Variants in CEP164 observed in about 807,000 individuals in gnomAD.
CEP164 encodes centrosomal protein of 164 kDa.
CEP164 carries 162 observed loss-of-function variants against 182.7 expected under a neutral mutation model. The ratio of observed to expected loss-of-function variants is 0.89; its 90% CI spans 0.78 to 1.01. CEP164 has a LOEUF of 1.01. CEP164 is among the 50% of genes least tolerant of loss of function. CEP164 has a pLI of 0.00. For synonymous variants in CEP164, 661 were observed against 690.0 expected (o/e 0.96, Z 0.66); for missense variants, 1,735 against 1,790.4 (o/e 0.97, Z 0.56).
Position 117,371,181 on chromosome 11 carries a change from A to C in CEP164, c.867A>C (p.Ala289=). 1 of 1,614,228 alleles carries C rather than the reference A, an allele frequency of 6.2e-7. No individual in the cohort carries two copies. Among genetic ancestry groups the C allele is most frequent in the Non-Finnish European group, 8.5e-7 (1 of 1,180,040 alleles). The change falls in exon 9 of 33, where the codon GCA becomes GCC. Residue 289 remains alanine (A), a synonymous_variant. Transcript: ENST00000278935. ...CCTGCAAGCCCTCCAGCCCAGGTGC[A>C]GACAGCAGTCTGAGCAGTGCTGTTG... is the stretch of plus-strand genomic sequence containing the variant. ...PTPCKPSSPG[A]DSSLSSAVGK...
chr11:117,346,367 C>T (rs964931863), intron 4 of CEP164, among the ~76,000 whole-genome samples: 2 of 151,864 alleles, frequency 1.3e-5, no homozygotes, highest in African/African-American at 4.8e-5. Context: ...TCACTGCAGC[C>T]TCTGCCTCAG....
chr11:117,392,639 T>G lies in CEP164; in HGVS notation c.2493+12T>G, dbSNP rs1308079218. ...GGTATGAGCACGAGGTGAGTGCTGCTCTGTCTTCCACAGTCGTGTGCGCCT... is the reference window on the plus strand; with the variant it reads ...GGTATGAGCACGAGGTGAGTGCTGCGCTGTCTTCCACAGTCGTGTGCGCCT... On this transcript the variant is annotated intron_variant, in intron 19 of 32. Coordinates refer to ENST00000278935, the MANE Select transcript of CEP164 (RefSeq NM_014956.5). The G allele has an allele frequency of 1.2e-6, 2 of 1,613,108 alleles. No homozygotes were observed. The highest frequency in any genetic ancestry group is 2.2e-5 in the South Asian group (2 of 90,954).
chr11:117,369,928 C>T (rs1009255831), intron 8 of CEP164, among the ~76,000 whole-genome samples: 7 of 152,228 alleles, frequency 4.6e-5, no homozygotes, highest in Admixed American at 6.5e-5. Context: ...GGGAGCTTAG[C>T]AGATTGACAG....
chr11:117,324,538 G>A (rs549064040), upstream of CEP164, among the ~76,000 whole-genome samples: 1 of 152,156 alleles, frequency 6.6e-6, no homozygotes, highest in East Asian at 1.9e-4. Flanking sequence ...TTATAAATTG[G>A]CTTGCATTTC....
In CEP164 at chr11:117,394,461, C is replaced by T. The variant is rs753830762; in HGVS notation, c.2728C>T (p.Leu910Phe). 1.9e-6 allele frequency: 3 copies of T among 1,614,100 alleles called. No homozygotes were observed. The highest frequency in any genetic ancestry group is 2.5e-6 in the Non-Finnish European group (3 of 1,180,016). Residue 910 changes from leucine to phenylalanine, a missense_variant, in exon 21 of 33, where the codon CTT (leucine) becomes TTT (phenylalanine). Transcript: ENST00000278935. This position sits in a 1 kb window ranked among gnomAD's most constrained non-coding sequence, Gnocchi z 4.0. ...TGTGAGGCAGGAGCAACACAAGCGT[C>T]TTGAGGACTTGCGGCGCCGGCACAG... ...ETVRQEQHKR[L>F]EDLRRRHREQ...
chr11:117,360,965 C>G (rs375224721), intron 5 of CEP164, among the ~76,000 whole-genome samples: 1 of 140,374 alleles, frequency 7.1e-6, no homozygotes, highest in Non-Finnish European at 1.5e-5. Flanking sequence ...GACAGAGTCT[C>G]GCTCTGTCGC....
chr11:117,339,849 C>T (rs1023518512), intron 3 of CEP164, among the ~76,000 whole-genome samples: 3 of 151,814 alleles, frequency 2.0e-5, no homozygotes, highest in Admixed American at 2.0e-4. Context: ...CCTTTTCAAC[C>T]CTCACTGCAA....
intron 4 of CEP164, among the ~76,000 whole-genome samples, chr11:117,350,069 G>A (rs569630714): frequency 8.6e-5 from 13 of 151,970 alleles, no homozygotes; most frequent in South Asian, 2.1e-4. Context: ...CACCATGCCC[G>A]GCCAATTTTT....
intron 9 of CEP164, among the ~76,000 whole-genome samples, chr11:117,372,041 G>A (rs567998243): frequency 1.3e-5 from 2 of 150,916 alleles, no homozygotes; most frequent in African/African-American, 2.4e-5. Flanking sequence ...GGGTTTCACC[G>A]TGTTGCCCAG....
intron 4 of CEP164, among the ~76,000 whole-genome samples, chr11:117,350,575 C>T (rs917223341): frequency 5.3e-5 from 8 of 151,968 alleles, no homozygotes; most frequent in Non-Finnish European, 8.8e-5. Flanking sequence ...TTTTTTACCC[C>T]GATATTTTTT....
intron 1 of CEP164, among the ~76,000 whole-genome samples, chr11:117,328,435 T>C (rs942623262): frequency 3.3e-5 from 5 of 152,210 alleles, no homozygotes; most frequent in Non-Finnish European, 7.3e-5. Context: ...TTTTCTTGCA[T>C]TGGATTTAAA....
intron 1 of CEP164, among the ~76,000 whole-genome samples, chr11:117,334,576 A>G (rs1330428252): frequency 1.3e-5 from 2 of 152,148 alleles, no homozygotes; most frequent in East Asian, 3.9e-4. Context: ...ACCTGAGATC[A>G]GGAGTTTGAG....
Position 117,411,702 on chromosome 11 carries a change from GGGA to G in CEP164, c.4164-87_4164-85del. 6.5e-7 allele frequency: 1 copy of G among 1,537,656 alleles called. No individual in the cohort carries two copies. Among genetic ancestry groups the G allele is most frequent in the Non-Finnish European group, 8.9e-7 (1 of 1,129,770 alleles). On this transcript the variant is annotated intron_variant, in intron 31 of 32. Coordinates refer to ENST00000278935, the MANE Select transcript of CEP164 (RefSeq NM_014956.5). The surrounding 1 kb of genome is among the most constrained non-coding windows in gnomAD (Gnocchi z 4.4). ...GCTGCTCTGGTAGCTGAGAGAAAGAGGGAGGAGGTGACAGATGTGATGGCCTCT... is the reference window on the plus strand; with the variant it reads ...GCTGCTCTGGTAGCTGAGAGAAAGAGGGAGGTGACAGATGTGATGGCCTCT...
chr11:117,334,803 AG>A (rs1327563895), intron 1 of CEP164, among the ~76,000 whole-genome samples: 9 of 151,018 alleles, frequency 6.0e-5, no homozygotes, highest in East Asian at 2.0e-4. Flanking sequence ...AAAAAAAAAA[AG>A]GTAAATATAG....
At chr11:117,393,183 A>G (rs989450706) in intron 20 of CEP164, 57 bp downstream of exon 20, 6 of 1,581,426 alleles carry the variant, frequency 3.8e-6, no homozygotes, top group African/African-American at 1.4e-5. Flanking sequence ...ACATGCACGC[A>G]CATGCACACA....
chr11:117,323,955 T>TC, upstream of CEP164: 1 of 310,732 alleles, frequency 3.2e-6, no homozygotes, highest in Non-Finnish European at 6.9e-6. Context: ...TGGTTTTTTT[T>TC]CTCTTGTTTT....
At chr11:117,389,083 T>C (rs2044294612) in intron 15 of CEP164, among the ~76,000 whole-genome samples, 1 of 152,080 alleles carries the variant, frequency 6.6e-6, no homozygotes, top group African/African-American at 2.4e-5. Context: ...TTTTCTCTCT[T>C]AATGGAAAAA....
intron 12 of CEP164, among the ~76,000 whole-genome samples, chr11:117,381,065 C>G (rs1029233409): frequency 1.3e-5 from 2 of 152,116 alleles, no homozygotes; most frequent in African/African-American, 4.8e-5. Flanking sequence ...CTGAAGAAAC[C>G]TTGTGGAGGT....
rs777527578 is a variant in CEP164 at position 117,363,444 on chromosome 11, A to G, written c.703A>G (p.Ser235Gly). ...ESDNQSVHSSSEPLRNLHLDI... is the reference protein window; with the variant it reads ...ESDNQSVHSSGEPLRNLHLDI... ...TTGTTTCTAGAGTGTCCACAGCTCA[A>G]GTGAGCCTCTTAGGAACCTACACCT... is the stretch of plus-strand genomic sequence containing the variant. Residue 235 changes from serine (S) to glycine (G), a missense_variant, in exon 8 of 33, where the codon AGT becomes GGT. Transcript: ENST00000278935. 8 of 1,613,930 alleles carry G rather than the reference A, an allele frequency of 5.0e-6. No individual in the cohort carries two copies. The African/African-American group carries it at 5.3e-5, about 11-fold the overall frequency.
Sources: allele counts gnomAD v4.1 joint callset (sites outside exome capture counted in the v4.1 genomes callset), GRCh38; gene constraint gnomAD v4.1.1; non-coding constraint Gnocchi (gnomAD v3.1); transcripts MANE v1.5; gene names NCBI Gene and HGNC (gene_info 2026-07-23, HGNC 2026-07-21).